DYNC1LI1: variants seen among roughly 807,000 people sequenced by gnomAD.
The protein encoded by DYNC1LI1 is cytoplasmic dynein 1 light intermediate chain 1.
Under a neutral mutation model 63.8 loss-of-function variants are expected in DYNC1LI1, and 19 were observed. That is an observed-to-expected ratio of 0.30 (90% confidence interval 0.21 to 0.44). The LOEUF is 0.44. Among genes scored for constraint, DYNC1LI1 ranks in the 20% least tolerant of loss-of-function variants. The probability of loss-of-function intolerance (pLI) is 1.00; values close to 1 mark genes in which losing one functional copy is unlikely to be tolerated. For missense variants in DYNC1LI1, 565 were observed against 630.2 expected (o/e 0.90, Z 1.11); for synonymous variants, 225 against 232.3 (o/e 0.97, Z 0.28).
chr3:32,566,824 C>A, intron 2 of DYNC1LI1: 1 of 319,866 alleles, frequency 3.1e-6, no homozygotes. Context: ...AATGAAAATG[C>A]AGTTCTTAAA....
rs757798244 is a variant in DYNC1LI1, at chr3:32,570,147, G to A, written c.220+199C>T. The A allele has an allele frequency of 2.8e-4, 197 of 694,426 alleles. 2 individuals carry two copies. The highest frequency in any genetic ancestry group is 4.1e-4 in the Admixed American group (20 of 48,906). The allele number at this position is 694,426 out of a possible 1,614,324, so 43.0% of individuals were successfully genotyped here. ...GGGGAGGAGGAGGAGGAACCTGAGG[G>A]AGGGCGGGTCCCCGCAGGTCCTGGG... On this transcript the variant is annotated intron_variant, in intron 2 of 12. Transcript: ENST00000273130.
chr3:32,530,383 T>C, intron 9 of DYNC1LI1, 55 bp from the exon 10 acceptor site: 1 of 1,598,222 alleles, frequency 6.3e-7, no homozygotes, highest in Non-Finnish European at 8.5e-7. Context: ...CATATACTGG[T>C]GTATTTTTAA....
chr3:32,536,866 G>T, intron 6 of DYNC1LI1, 145 bp downstream of exon 6: 6 of 548,740 alleles, frequency 1.1e-5, no homozygotes, highest in South Asian at 7.5e-5. Flanking sequence ...AAATAATTTG[G>T]GAACTAAAAT....
chr3:32,534,468 G>C (rs1159296271), intron 7 of DYNC1LI1, 43 bp downstream of exon 7: 1 of 1,371,092 alleles, frequency 7.3e-7, no homozygotes, highest in Non-Finnish European at 1.0e-6. Flanking sequence ...TCAAATAGTA[G>C]CAATAATACA....
chr3:32,568,519 G>A (rs1194666936), intron 2 of DYNC1LI1, among the ~76,000 whole-genome samples: 1 of 151,956 alleles, frequency 6.6e-6, no homozygotes, highest in Non-Finnish European at 1.5e-5. Flanking sequence ...TCATAAAAAA[G>A]GAAATTTAAT....
chr3:32,570,206 A>T, intron 2 of DYNC1LI1, 140 bp downstream of exon 2: 2 of 772,868 alleles, frequency 2.6e-6, no homozygotes, highest in South Asian at 1.5e-5. Flanking sequence ...TCTCCCAGCC[A>T]TCCGCGACAG....
chr3:32,550,258 C>A (rs1365373725), intron 2 of DYNC1LI1, among the ~76,000 whole-genome samples: 2 of 152,044 alleles, frequency 1.3e-5, no homozygotes, highest in Non-Finnish European at 2.9e-5. Flanking sequence ...ATGGAGAAAC[C>A]CCGTCTCTAC....
rs1697719917 is a variant in DYNC1LI1 at position 32,532,826 on chromosome 3, CT to C, written c.1080+159del. 3.2e-6 allele frequency: 4 copies of C among 1,240,800 alleles called. No individual in the cohort carries two copies. In the East Asian group the frequency reaches 9.6e-5, roughly 30 times the overall value. The allele number at this position is 1,240,800 out of a possible 1,614,324, so 76.9% of individuals were successfully genotyped here. A position where few individuals can be genotyped will look rare whatever the true frequency, so the allele number is the denominator to read the frequency against. Reference sequence around the variant, plus strand: ...GATTTCTATTTTGCTAAAACAAATCCTTATGTAAACTGTACATTAGAAACAC... The same window carrying C: ...GATTTCTATTTTGCTAAAACAAATCCTATGTAAACTGTACATTAGAAACAC... On this transcript the variant is annotated intron_variant, in intron 8 of 12. Transcript: ENST00000273130.
intron 2 of DYNC1LI1, among the ~76,000 whole-genome samples, chr3:32,567,000 T>A (rs1698269030): frequency 6.6e-6 from 1 of 152,210 alleles, no homozygotes; most frequent in African/African-American, 2.4e-5. Context: ...GCAGATTAAA[T>A]GATTACTTAA....
At chr3:32,545,215 T>A in intron 3 of DYNC1LI1, 109 bp from the exon 4 acceptor site, 1 of 728,556 alleles carries the variant, frequency 1.4e-6, no homozygotes, top group Non-Finnish European at 2.3e-6. Flanking sequence ...GATGTGCTAT[T>A]GGCTTTGACA....
chr3:32,565,063 T>C (rs1368124398), intron 2 of DYNC1LI1, among the ~76,000 whole-genome samples: 2 of 152,214 alleles, frequency 1.3e-5, no homozygotes, highest in Non-Finnish European at 2.9e-5. Context: ...TACCGTGGAC[T>C]AATACCTTCA....
Position 32,545,069 on chromosome 3 carries a change from G to A in DYNC1LI1, c.375C>T (p.Asp125=), listed in dbSNP as rs1697934686. 1 of 1,613,560 alleles carries A rather than the reference G, an allele frequency of 6.2e-7. No individual in the cohort carries two copies. Among genetic ancestry groups the A allele is most frequent in the African/African-American group, 1.3e-5 (1 of 74,898 alleles). ...ATTTAAGGAGGCCTTTGTGATATAG[G>A]TCTCCATCTAAGATCCAAACATTAC... ...TRCNVWILDG[D]LYHKGLLKFS... Residue 125 remains aspartate (D), a synonymous_variant, in exon 4 of 13, where the codon GAC becomes GAT. Transcript: ENST00000273130.
intron 6 of DYNC1LI1, among the ~76,000 whole-genome samples, chr3:32,535,288 A>G (rs989702366): frequency 1.3e-5 from 2 of 152,208 alleles, no homozygotes; most frequent in African/African-American, 2.4e-5. Flanking sequence ...CTTTTATCCA[A>G]AAGACACAGT....
chr3:32,532,487 G>GTGTGTGTATATATA (rs369421174), intron 8 of DYNC1LI1: 3 of 125,366 alleles, frequency 2.4e-5, no homozygotes, highest in African/African-American at 8.9e-5. Flanking sequence ...AAAAATGTGT[G>GTGTGTGTATATATA]TATATATATA....
intron 2 of DYNC1LI1, among the ~76,000 whole-genome samples, chr3:32,557,013 A>G (rs906849869): frequency 2.0e-5 from 3 of 152,206 alleles, no homozygotes; most frequent in African/African-American, 7.2e-5. Context: ...AGCTCATAAT[A>G]CATTCCTCCT....
intron 2 of DYNC1LI1, among the ~76,000 whole-genome samples, chr3:32,548,373 G>C (rs1310339478): frequency 2.3e-4 from 35 of 152,194 alleles, no homozygotes; most frequent in Non-Finnish European, 1.3e-4. Flanking sequence ...TGAGGTAAAA[G>C]AGTTTCATCC....
chr3:32,570,415 A>G lies in DYNC1LI1; in HGVS notation c.151T>C (p.Cys51Arg). Residue 51 changes from cysteine (C) to arginine (R), a missense_variant, in exon 2 of 13, where the codon TGC becomes CGC. By Grantham distance (180) the Cys-to-Arg change is radical. Coordinates refer to ENST00000273130, the MANE Select transcript of DYNC1LI1 (RefSeq NM_016141.4). ...DDEDGQNLWS[C>R]ILSEVSTRSR... ...CGGGTGGAGACCTCGCTGAGGATGC[A>G]GGACCTAACGGGAAGCAAGGCGTAC... 1 of 1,601,126 alleles carries G rather than the reference A, an allele frequency of 6.2e-7. No homozygotes were observed. Among genetic ancestry groups the G allele is most frequent in the Non-Finnish European group, 8.5e-7 (1 of 1,175,316 alleles).
chr3:32,548,842 G>A (rs1032869097), intron 2 of DYNC1LI1, among the ~76,000 whole-genome samples: 4 of 152,024 alleles, frequency 2.6e-5, no homozygotes, highest in African/African-American at 7.2e-5. Context: ...AAAACTTCAT[G>A]TACTGTAAAT....
At chr3:32,565,949 T>C (rs1291711626) in intron 2 of DYNC1LI1, among the ~76,000 whole-genome samples, 1 of 152,184 alleles carries the variant, frequency 6.6e-6, no homozygotes, top group Non-Finnish European at 1.5e-5. Context: ...CTCCTGGCTA[T>C]GTAACCCTAG....
Sources: allele counts gnomAD v4.1 joint callset (sites outside exome capture counted in the v4.1 genomes callset), GRCh38; gene constraint gnomAD v4.1.1; transcripts MANE v1.5; gene names NCBI Gene and HGNC (gene_info 2026-07-23, HGNC 2026-07-21).